The following LDB2 variants were observed in gnomAD, a reference collection of about 807,000 sequenced individuals.
The protein encoded by LDB2 is LIM domain-binding protein 2.
A neutral mutation model predicts 44.3 loss-of-function variants in LDB2; 12 were observed. That is an observed-to-expected ratio of 0.27 (90% CI 0.17 to 0.44). The LOEUF (loss-of-function observed/expected upper bound fraction) is 0.44. Among genes scored for constraint, LDB2 ranks in the 20% least tolerant of loss-of-function variants. The probability of loss-of-function intolerance (pLI) is 1.00; values close to 1 mark genes in which losing one functional copy is unlikely to be tolerated. For synonymous variants in LDB2, 164 were observed against 174.8 expected (o/e 0.94, Z 0.49); for missense variants, 344 against 473.5 (o/e 0.73, Z 2.54).
chr4:16,590,438 G>T (rs148295805), intron 3 of LDB2, among the ~76,000 whole-genome samples: 9 of 152,246 alleles, frequency 5.9e-5, no homozygotes, highest in African/African-American at 2.2e-4. Flanking sequence ...AGCCTTTTAC[G>T]AAATATTAAT....
chr4:16,585,535 A>G (rs1716475889), intron 5 of LDB2, among the ~76,000 whole-genome samples: 1 of 152,176 alleles, frequency 6.6e-6, no homozygotes, highest in African/African-American at 2.4e-5. Flanking sequence ...ATGGGGCAGT[A>G]TATTGATTCT....
At chr4:16,699,250 TA>T (rs1353774208) in intron 2 of LDB2, among the ~76,000 whole-genome samples, 1 of 152,230 alleles carries the variant, frequency 6.6e-6, no homozygotes, top group Non-Finnish European at 1.5e-5. Flanking sequence ...GACGTTCTGA[TA>T]AAGCAAACAC....
intron 1 of LDB2, among the ~76,000 whole-genome samples, chr4:16,783,965 T>A: frequency 6.6e-6 from 1 of 152,200 alleles, no homozygotes; most frequent in East Asian, 1.9e-4. Context: ...TACTGAAGAA[T>A]CACTTTTAGC....
chr4:16,888,390 A>T (rs976480271), intron 1 of LDB2, among the ~76,000 whole-genome samples: 1 of 152,196 alleles, frequency 6.6e-6, no homozygotes, highest in African/African-American at 2.4e-5. Context: ...TTACTACTTA[A>T]CCATAGGTAT....
intron 2 of LDB2, among the ~76,000 whole-genome samples, chr4:16,701,559 G>T (rs74869865): frequency 3.3e-5 from 5 of 152,148 alleles, no homozygotes; most frequent in Non-Finnish European, 5.9e-5. Flanking sequence ...ATCGTAACCC[G>T]CATTCTTGCC....
intron 1 of LDB2, among the ~76,000 whole-genome samples, chr4:16,763,173 C>A (rs1011967446): frequency 6.7e-6 from 1 of 148,526 alleles, no homozygotes; most frequent in Admixed American, 6.8e-5. Flanking sequence ...AAAAATGTAA[C>A]CTTTAAGTTC....
chr4:16,782,413 C>T (rs1395987645), intron 1 of LDB2, among the ~76,000 whole-genome samples: 3 of 151,078 alleles, frequency 2.0e-5, no homozygotes, highest in Non-Finnish European at 4.4e-5. Flanking sequence ...TGCAGTGGCA[C>T]GATCTTGGTT....
intron 1 of LDB2, among the ~76,000 whole-genome samples, chr4:16,857,069 A>G (rs1789494493): frequency 6.6e-6 from 1 of 152,186 alleles, no homozygotes. Flanking sequence ...TTGACCATGC[A>G]AGCCCATCAT....
intron 5 of LDB2, among the ~76,000 whole-genome samples, chr4:16,532,165 C>A (rs115730232): frequency 6.6e-6 from 1 of 152,004 alleles, no homozygotes; most frequent in Non-Finnish European, 1.5e-5. Context: ...TTTAGGTATG[C>A]CAAAAAAGTA....
chr4:16,786,969 A>AT (rs1774571561), intron 1 of LDB2, among the ~76,000 whole-genome samples: 1 of 152,100 alleles, frequency 6.6e-6, no homozygotes. Context: ...CTGTGAGATG[A>AT]TTTCCATCTC....
chr4:16,788,363 C>T (rs1250500312), intron 1 of LDB2, among the ~76,000 whole-genome samples: 2 of 152,202 alleles, frequency 1.3e-5, no homozygotes, highest in Non-Finnish European at 2.9e-5. Flanking sequence ...CTGCATCAAG[C>T]TTCCCCACCT....
chr4:16,714,811 GTCTCTGTCTTCACTTGGCTT>G (rs1756719362), intron 2 of LDB2, among the ~76,000 whole-genome samples: 1 of 151,876 alleles, frequency 6.6e-6, no homozygotes, highest in Non-Finnish European at 1.5e-5. Flanking sequence ...CCTAATCCCT[GTCTCTGTCTTCACTTGGCTT>G]TCTCGTGGTC....
At chr4:16,734,703 CTTTTTTTTT>C (rs539507998) in intron 2 of LDB2, among the ~76,000 whole-genome samples, 6 of 129,376 alleles carry the variant, frequency 4.6e-5, no homozygotes, top group Admixed American at 7.8e-5. Context: ...TTCTTGTTTT[CTTTTTTTTT>C]TTTTTTTTTT....
intron 7 of LDB2, chr4:16,503,162 A>G (rs1232844499): frequency 6.5e-7 from 1 of 1,534,990 alleles, no homozygotes; most frequent in Middle Eastern, 1.7e-4. Flanking sequence ...ATTTTTCAAA[A>G]TTAAAAAAAT....
At chr4:16,882,441 A>C (rs1002611626) in intron 1 of LDB2, among the ~76,000 whole-genome samples, 1 of 152,108 alleles carries the variant, frequency 6.6e-6, no homozygotes, top group Non-Finnish European at 1.5e-5. Flanking sequence ...AAAAAAAGTC[A>C]CAGGAAATAT....
At chr4:16,595,575 T>C in intron 3 of LDB2, 128 bp downstream of exon 3, 2 of 743,634 alleles carry the variant, frequency 2.7e-6, no homozygotes, top group Non-Finnish European at 4.4e-6. Context: ...AGAAAGATTC[T>C]CTCATGGTGT....
At chr4:16,719,574 G>C (rs531291835) in intron 2 of LDB2, among the ~76,000 whole-genome samples, 36 of 152,034 alleles carry the variant, frequency 2.4e-4, no homozygotes, top group African/African-American at 8.7e-4. Flanking sequence ...TCTTGTTCCT[G>C]GACCACGGTA....
chr4:16,895,848 G>A (rs1303452492), intron 1 of LDB2, among the ~76,000 whole-genome samples: 1 of 151,958 alleles, frequency 6.6e-6, no homozygotes, highest in Non-Finnish European at 1.5e-5. Flanking sequence ...AAGGTATAGT[G>A]TAACTTTACA....
chr4:16,856,449 T>C (rs535892512), intron 1 of LDB2, among the ~76,000 whole-genome samples: 12 of 152,270 alleles, frequency 7.9e-5, no homozygotes, highest in South Asian at 4.1e-4. Context: ...AATCAAGCTG[T>C]GTCCATTACA....
Sources: allele counts gnomAD v4.1 joint callset (sites outside exome capture counted in the v4.1 genomes callset), GRCh38; gene constraint gnomAD v4.1.1; transcripts MANE v1.5; gene names NCBI Gene and HGNC (gene_info 2026-07-23, HGNC 2026-07-21).